The following LAMA2 variants were observed in gnomAD, a reference collection of about 807,000 sequenced individuals.
The protein encoded by LAMA2 is laminin subunit alpha-2.
A neutral mutation model predicts 364.8 loss-of-function variants in LAMA2; 269 were observed. The observed-to-expected ratio is 0.74, with a 90% confidence interval of 0.67 to 0.82. The LOEUF (loss-of-function observed/expected upper bound fraction) is 0.82, where lower values mean the gene tolerates loss of function less well. Among genes scored for constraint, LAMA2 ranks in the 40% least tolerant of loss-of-function variants. The pLI is 0.00. For synonymous variants in LAMA2, 1,379 were observed against 1,370.6 expected, an observed-to-expected ratio of 1.01 and a Z score of -0.14; for missense variants, 3,807 against 3,873.2, an observed-to-expected ratio of 0.98 and a Z score of 0.45.
At chr6:129,039,751 C>T (rs984742163) in intron 1 of LAMA2, among the ~76,000 whole-genome samples, 2 of 152,188 alleles carry the variant, frequency 1.3e-5, no homozygotes, top group East Asian at 1.9e-4. Flanking sequence ...TAGCTCACAA[C>T]CTAGATCCCT....
At chr6:129,268,855 T>G (rs1583381130) in intron 16 of LAMA2, among the ~76,000 whole-genome samples, 1 of 152,062 alleles carries the variant, frequency 6.6e-6, no homozygotes, top group African/African-American at 2.4e-5. Context: ...GACTTTCAAG[T>G]GCCCTTTCTC....
rs555932760 is a variant in LAMA2 at position 129,422,832 on chromosome 6, C to T, written c.5866-4920C>T. On this transcript the variant is annotated intron_variant, in intron 40 of 64. Coordinates refer to ENST00000421865, the MANE Select transcript of LAMA2 (RefSeq NM_000426.4). The stretch of plus-strand genomic sequence containing the variant: ...AGAAAATACATCCAACCTCATTCTA[C>T]GAGGCCAGTATTACTCTGATACCAA... 4.6e-5 allele frequency among the ~76,000 whole-genome samples: 7 copies of T among 152,024 alleles called. No individual in the cohort carries two copies. The East Asian group carries it at 7.7e-4, about 17-fold the overall frequency.
At chr6:129,340,326 CAATTTCAAATATT>C (rs1336431083) in intron 29 of LAMA2, among the ~76,000 whole-genome samples, 1 of 151,468 alleles carries the variant, frequency 6.6e-6, no homozygotes, top group Non-Finnish European at 1.5e-5. Context: ...AAGGCTTGAC[CAATTTCAAATATT>C]AATGAGAATG....
chr6:128,972,234 C>A (rs901295471), intron 1 of LAMA2, among the ~76,000 whole-genome samples: 2 of 152,172 alleles, frequency 1.3e-5, no homozygotes, highest in African/African-American at 2.4e-5. Flanking sequence ...AAAAAAAAAT[C>A]TGTTCTATTC....
intron 3 of LAMA2, among the ~76,000 whole-genome samples, chr6:129,068,340 G>A (rs938715106): frequency 4.6e-5 from 7 of 152,186 alleles, no homozygotes; most frequent in East Asian, 1.9e-4. Flanking sequence ...TACCAGATGA[G>A]GTGGCTTATA....
intron 18 of LAMA2, among the ~76,000 whole-genome samples, chr6:129,284,732 C>G (rs189474333): frequency 6.6e-6 from 1 of 152,008 alleles, no homozygotes; most frequent in Non-Finnish European, 1.5e-5. Context: ...TCTGCACGTC[C>G]GCTCTTTTTC....
intron 1 of LAMA2, among the ~76,000 whole-genome samples, chr6:128,914,511 G>A (rs1015100258): frequency 3.3e-5 from 5 of 151,998 alleles, no homozygotes; most frequent in Non-Finnish European, 7.4e-5. Context: ...TATAGCTCCC[G>A]GGCCCAGTAC....
intron 8 of LAMA2, among the ~76,000 whole-genome samples, chr6:129,156,519 A>T (rs957637882): frequency 6.7e-6 from 1 of 148,360 alleles, no homozygotes; most frequent in Non-Finnish European, 1.5e-5. Flanking sequence ...GCCATCCTTA[A>T]TTTCTTTTTT....
chr6:129,336,695 A>G (rs1340799492), intron 29 of LAMA2, among the ~76,000 whole-genome samples: 1 of 152,230 alleles, frequency 6.6e-6, no homozygotes, highest in Non-Finnish European at 1.5e-5. Context: ...GAGCTATTTC[A>G]TAGTATCCTT....
At chr6:129,505,415 T>C in intron 61 of LAMA2, 60 bp downstream of exon 61, 1 of 1,422,432 alleles carries the variant, frequency 7.0e-7, no homozygotes, top group South Asian at 1.2e-5. Context: ...TATTGATATA[T>C]TTTGACTTAT....
At chr6:128,920,214 G>A (rs974932026) in intron 1 of LAMA2, among the ~76,000 whole-genome samples, 3 of 150,692 alleles carry the variant, frequency 2.0e-5, no homozygotes, top group African/African-American at 7.3e-5. Context: ...CTGGAGTGCA[G>A]TGCTGCGATC....
chr6:129,218,657 C>T (rs1214557301), intron 12 of LAMA2, among the ~76,000 whole-genome samples: 1 of 152,014 alleles, frequency 6.6e-6, no homozygotes, highest in African/African-American at 2.4e-5. Context: ...AATTGTCATC[C>T]ACTCATAGGT....
At chr6:129,381,215 T>C (rs1441709580) in intron 34 of LAMA2, among the ~76,000 whole-genome samples, 1 of 152,208 alleles carries the variant, frequency 6.6e-6, no homozygotes, top group Non-Finnish European at 1.5e-5. Context: ...ATGACCAAAA[T>C]ATAGATCAAG....
chr6:129,254,084 C>T (rs1786459104), intron 14 of LAMA2, among the ~76,000 whole-genome samples: 1 of 152,214 alleles, frequency 6.6e-6, no homozygotes, highest in Admixed American at 6.5e-5. Context: ...TAAAACATCA[C>T]TTGAATTGAT....
chr6:129,280,727 T>C (rs1294905409), intron 18 of LAMA2, among the ~76,000 whole-genome samples: 1 of 152,226 alleles, frequency 6.6e-6, no homozygotes, highest in Admixed American at 6.5e-5. Context: ...TGTGATTATA[T>C]TTCCTTCTGA....
At chr6:128,893,878 A>G (rs964793918) in intron 1 of LAMA2, among the ~76,000 whole-genome samples, 23 of 152,200 alleles carry the variant, frequency 1.5e-4, no homozygotes, top group African/African-American at 5.3e-4. Flanking sequence ...AAAACTCTTC[A>G]ATGTCTGGCT....
At chr6:129,238,561 G>A (rs1383976877) in intron 12 of LAMA2, among the ~76,000 whole-genome samples, 2 of 36,776 alleles carry the variant, frequency 5.4e-5, no homozygotes, top group African/African-American at 1.3e-4. Flanking sequence ...GTTCATGTGT[G>A]TGTGTGTGTG....
At chr6:129,026,060 C>T (rs2114724142) in intron 1 of LAMA2, among the ~76,000 whole-genome samples, 1 of 152,240 alleles carries the variant, frequency 6.6e-6, no homozygotes, top group Non-Finnish European at 1.5e-5. Context: ...TGCTGATTTA[C>T]CTCATCAGTA....
intron 17 of LAMA2, among the ~76,000 whole-genome samples, chr6:129,277,263 C>T (rs1189863807): frequency 6.6e-6 from 1 of 152,126 alleles, no homozygotes; most frequent in Non-Finnish European, 1.5e-5. Flanking sequence ...CTTTGTGTCA[C>T]GGAACAATTA....
Sources: gnomAD v4.1 joint callset for allele counts (sites outside exome capture counted in the v4.1 genomes callset) on GRCh38, gnomAD v4.1.1 for gene constraint, MANE v1.5 for transcripts, NCBI Gene and HGNC (gene_info 2026-07-23, HGNC 2026-07-21) for gene names.